The following KCTD2 variants were observed in gnomAD, a reference collection of about 807,000 sequenced individuals.
KCTD2 encodes BTB/POZ domain-containing protein KCTD2.
Under a neutral mutation model 27.9 loss-of-function variants are expected in KCTD2, and 18 were observed. That is an observed-to-expected ratio of 0.64 (90% CI 0.45 to 0.96). The LOEUF (loss-of-function observed/expected upper bound fraction) is 0.96. Ranked by LOEUF, KCTD2 falls within the 40% of genes least tolerant of loss-of-function variation. The probability of loss-of-function intolerance (pLI) is 0.00; values close to 1 mark genes in which losing one functional copy is unlikely to be tolerated. For synonymous variants in KCTD2, 175 were observed against 148.4 expected (o/e 1.18, Z -1.30); for missense variants, 280 against 348.0 (o/e 0.80, Z 1.56).
At chr17:75,060,701 T>G (rs2073396262) in intron 4 of KCTD2, 5 of 1,034,648 alleles carry the variant, frequency 4.8e-6, no homozygotes, top group Non-Finnish European at 6.8e-6. Context: ...AGGGTCTCGG[T>G]CGCCGCCACT....
At chr17:75,035,135 G>C (rs1287624081) in intron 2 of KCTD2, 1 of 152,144 alleles carries the variant, frequency 6.6e-6, no homozygotes, top group Non-Finnish European at 1.5e-5. Flanking sequence ...TAATGGATAA[G>C]GCGTCTGACT....
At chr17:75,062,991 A>G (rs1242707938) in intron 5 of KCTD2, 27 bp from the exon 6 acceptor site, 1 of 1,613,580 alleles carries the variant, frequency 6.2e-7, no homozygotes, top group Non-Finnish European at 8.5e-7. Flanking sequence ...CAGCAGCCTC[A>G]GCCTCTCCCC....
intron 3 of KCTD2, chr17:75,040,964 A>G (rs1018923982): frequency 2.6e-5 from 4 of 152,026 alleles, no homozygotes; most frequent in African/African-American, 9.7e-5. Context: ...CCCTCCATAC[A>G]CATCTTTGAA....
intron 2 of KCTD2, among the ~76,000 whole-genome samples, chr17:75,050,785 A>G (rs1464878763): frequency 2.0e-5 from 3 of 152,118 alleles, no homozygotes; most frequent in Non-Finnish European, 2.9e-5. Flanking sequence ...AACTCCCTAT[A>G]TCCCAGATTA....
chr17:75,033,805 G>A (rs1057021900), intron 1 of KCTD2, among the ~76,000 whole-genome samples: 4 of 152,232 alleles, frequency 2.6e-5, no homozygotes, highest in African/African-American at 9.6e-5. Flanking sequence ...GCGCGCGGCA[G>A]GGACGGACCC....
chr17:75,047,410 C>A lies in KCTD2; in HGVS notation c.160C>A (p.Pro54Thr). ...CCGCCCGGCTGCCGCCGTCGCGCAG[C>A]CGCTGGAGCCGGGTCCCGGACCACC... ...HGRPAAAVAQ[P>T]LEPGPGPPER... The change falls in exon 1 of 6, where the codon CCG (proline) becomes ACG (threonine). Residue 54 changes from proline (P) to threonine (T), a missense_variant. Coordinates refer to ENST00000322444, the MANE Select transcript of KCTD2 (RefSeq NM_015353.3). 8.3e-7 allele frequency: 1 copy of A among 1,205,150 alleles called. No homozygotes were observed. Among genetic ancestry groups the A allele is most frequent in the Non-Finnish European group, 1.0e-6 (1 of 969,516 alleles). The allele number at this position is 1,205,150 out of a possible 1,614,324, so 74.7% of individuals were successfully genotyped here. A position where few individuals can be genotyped will look rare whatever the true frequency, so the allele number is the denominator to read the frequency against.
chr17:75,053,858 C>CTTTTT (rs71159419), intron 3 of KCTD2, among the ~76,000 whole-genome samples: 1,484 of 59,282 alleles, frequency 0.025, 296 homozygotes, highest in East Asian at 0.15. Flanking sequence ...GTGAACCATG[C>CTTTTT]TTTTTTTTTT....
chr17:75,048,356 A>C (rs1171743348), intron 1 of KCTD2, among the ~76,000 whole-genome samples: 2 of 152,122 alleles, frequency 1.3e-5, no homozygotes, highest in African/African-American at 4.8e-5. Flanking sequence ...TTCACCTTTA[A>C]GTTCTCAACT....
chr17:75,055,959 T>C (rs938357250), intron 3 of KCTD2, among the ~76,000 whole-genome samples: 2 of 151,148 alleles, frequency 1.3e-5, no homozygotes, highest in Non-Finnish European at 2.9e-5. Flanking sequence ...TGAACTAAGA[T>C]AGCAGAGGTT....
chr17:75,040,404 C>T, intron 3 of KCTD2: 2 of 507,834 alleles, frequency 3.9e-6, no homozygotes, highest in African/African-American at 1.9e-5. Context: ...TAACTCGGAA[C>T]CCTGGACAAT....
In KCTD2 at chr17:75,065,637, TAA is replaced by T. The variant is rs1182292088; in HGVS notation, c.*2592_*2593del. The T allele has an allele frequency of 1.3e-5, 2 of 152,230 alleles. No individual in the cohort carries two copies. The highest frequency in any genetic ancestry group is 2.9e-5 in the Non-Finnish European group (2 of 68,078). The allele number at this position is 152,230 out of a possible 1,614,324, so 9.4% of individuals were successfully genotyped here. On this transcript the variant is annotated 3_prime_UTR_variant, in exon 6 of 6. Coordinates refer to ENST00000322444, the MANE Select transcript of KCTD2 (RefSeq NM_015353.3). Reference sequence around the variant, plus strand: ...CAATGAGGTGGGGCCCAGCCTCCTCTAAAGTGACTTTGTTTCTGCACAGTTGT... The same window carrying T: ...CAATGAGGTGGGGCCCAGCCTCCTCTAGTGACTTTGTTTCTGCACAGTTGT...
chr17:75,046,164 C>T (rs2073214023), upstream of KCTD2, among the ~76,000 whole-genome samples: 1 of 152,078 alleles, frequency 6.6e-6, no homozygotes, highest in South Asian at 2.1e-4. Flanking sequence ...CTCACTGCAA[C>T]CTCCGCCTCC....
At chr17:75,039,170 G>A in intron 3 of KCTD2, 1 of 1,613,054 alleles carries the variant, frequency 6.2e-7, no homozygotes. Flanking sequence ...ATGAAAGAGA[G>A]AACCCATATT....
chr17:75,044,403 C>T (rs2073191775), upstream of KCTD2, among the ~76,000 whole-genome samples: 1 of 114,200 alleles, frequency 8.8e-6, no homozygotes, highest in Non-Finnish European at 1.6e-5. Flanking sequence ...GACGGGGTTT[C>T]ACCTTGTTAG....
intron 2 of KCTD2, 38 bp downstream of exon 2, chr17:75,049,366 A>C: frequency 2.4e-6 from 3 of 1,240,118 alleles, no homozygotes; most frequent in Non-Finnish European, 3.5e-6. Flanking sequence ...TTCAAAATGC[A>C]AGTAGAATCT....
rs9915968 is a variant in KCTD2, at chr17:75,063,521, G to T, written c.*474G>T. On this transcript the variant is annotated 3_prime_UTR_variant, in exon 6 of 6. Transcript: ENST00000322444. ...GTCCCTCCTATGCACCCTCCAAGAC[G>T]TGCAGCAGATGCAAAGGGTTCTAGC... The T allele has an allele frequency of 3.0e-5, 5 of 167,034 alleles. No homozygotes were observed. In the East Asian group the frequency reaches 8.2e-4, roughly 27 times the overall value. The allele number at this position is 167,034 out of a possible 1,614,324, so 10.3% of individuals were successfully genotyped here. A position where few individuals can be genotyped will look rare whatever the true frequency, so the allele number is the denominator to read the frequency against.
At chr17:75,049,745 C>A (rs2073265606) in intron 2 of KCTD2, among the ~76,000 whole-genome samples, 1 of 152,164 alleles carries the variant, frequency 6.6e-6, no homozygotes, top group Admixed American at 6.5e-5. Flanking sequence ...AAGGCTTGGC[C>A]TCATTTCTTT....
chr17:75,061,109 C>A (rs985903616), intron 4 of KCTD2, among the ~76,000 whole-genome samples: 1 of 152,114 alleles, frequency 6.6e-6, no homozygotes, highest in East Asian at 1.9e-4. Flanking sequence ...TTGTTAATTT[C>A]TCATCTTATT....
chr17:75,057,001 C>G (rs1167990061), intron 3 of KCTD2, among the ~76,000 whole-genome samples: 1 of 131,158 alleles, frequency 7.6e-6, no homozygotes, highest in Non-Finnish European at 1.5e-5. Context: ...GTTGACCAGG[C>G]TGGAGTGCAG....
Sources: allele counts gnomAD v4.1 joint callset (sites outside exome capture counted in the v4.1 genomes callset), GRCh38; gene constraint gnomAD v4.1.1; transcripts MANE v1.5; gene names NCBI Gene and HGNC (gene_info 2026-07-23, HGNC 2026-07-21).